The following SCN4A variants were observed in gnomAD, a reference collection of about 807,000 sequenced individuals.
The protein encoded by SCN4A is sodium channel protein type 4 subunit alpha.
A neutral mutation model predicts 162.0 loss-of-function variants in SCN4A; 83 were observed. The observed-to-expected ratio is 0.51, with a 90% CI of 0.43 to 0.61. The LOEUF is 0.61. Ranked by LOEUF, SCN4A falls within the 20% of genes least tolerant of loss-of-function variation. The probability of loss-of-function intolerance (pLI) is 0.00; values close to 1 mark genes in which losing one functional copy is unlikely to be tolerated. For missense variants in SCN4A, 2,196 were observed against 2,462.5 expected (o/e 0.89, Z 2.29); for synonymous variants, 944 against 985.1 (o/e 0.96, Z 0.78).
chr17:63,957,023 T>G (rs1396643483), intron 13 of SCN4A, 139 bp downstream of exon 13: 4 of 612,656 alleles, frequency 6.5e-6, no homozygotes, highest in Non-Finnish European at 1.1e-5. Context: ...AGGTTAAAAT[T>G]TGAGAACTAC....
Position 63,940,785 on chromosome 17 carries a change from C to T in SCN4A, c.5497G>A (p.Glu1833Lys). 1 of 1,577,536 alleles carries T rather than the reference C, an allele frequency of 6.3e-7. No homozygotes were observed. Among genetic ancestry groups the T allele is most frequent in the Non-Finnish European group, 8.6e-7 (1 of 1,159,764 alleles). Residue 1833 changes from glutamate to lysine, a missense_variant, in exon 24 of 24, where the codon GAG (glutamate) becomes AAG (lysine). Glu to Lys is a moderately conservative substitution (Grantham distance 56). Coordinates refer to ENST00000435607, the MANE Select transcript of SCN4A (RefSeq NM_000334.4). ...PGQTVRPGVKESLV is the reference protein window; with the variant it reads ...PGQTVRPGVKKSLV The stretch of plus-strand genomic sequence containing the variant: ...GATGCTGCCTGCTAGACAAGAGACT[C>T]CTTGACACCTGGGCGCACAGTCTGC...
chr17:63,960,140 G>A (rs1278958165), intron 11 of SCN4A, among the ~76,000 whole-genome samples: 1 of 152,228 alleles, frequency 6.6e-6, no homozygotes, highest in Non-Finnish European at 1.5e-5. Flanking sequence ...CTCCTGCCAG[G>A]CACCAGCTGC....
rs1396864146 is a variant in SCN4A, at chr17:63,944,147, T to C, written c.3913-297A>G. Among the ~76,000 whole-genome samples the C allele has an allele frequency of 6.6e-6, 1 of 151,994 alleles. No homozygotes were observed. The highest frequency in any genetic ancestry group is 6.5e-5 in the Admixed American group (1 of 15,268). On this transcript the variant is annotated intron_variant, in intron 21 of 23. Coordinates refer to ENST00000435607, the MANE Select transcript of SCN4A (RefSeq NM_000334.4). This position sits in a 1 kb window ranked among gnomAD's most constrained non-coding sequence, Gnocchi z 4.3. ...GGCAGGTTGTAGCAGCCTCGTCTTT[T>C]TTTTTGTTGTTGAGATGGAGTCTCG...
At position 63,945,763 on chromosome 17, in the gene SCN4A, A is replaced by G. The variant is rs1202904421; in HGVS notation, c.3442-125T>C. On this transcript the variant is annotated intron_variant, in intron 18 of 23. Coordinates refer to ENST00000435607, the MANE Select transcript of SCN4A (RefSeq NM_000334.4). This position sits in a 1 kb window ranked among gnomAD's most constrained non-coding sequence, Gnocchi z 4.4. ...TCAATTAGGGAGGGCTTCCTAGAGG[A>G]GGGCCGACCTGCTGGGCTGTGTGTG... The G allele has an allele frequency of 7.5e-6, 4 of 535,454 alleles. No individual in the cohort carries two copies. The highest frequency in any genetic ancestry group is 2.8e-5 in the African/African-American group (1 of 36,016). 33.2% of individuals were successfully genotyped at this position (535,454 alleles called of 1,614,324 possible). A position where few individuals can be genotyped will look rare whatever the true frequency, so the allele number is the denominator to read the frequency against.
At position 63,941,483 on chromosome 17, in the gene SCN4A, T is replaced by C. The variant is rs1269684010; in HGVS notation, c.4799A>G (p.Asn1600Ser). ...VNMYIAIILE[N>S]FNVATEESSE... is the part of the protein sequence containing the mutation. ...GCTCTCCTCTGTGGCCACATTGAAG[T>C]TCTCCAGGATGATGGCGATGTACAT... Residue 1600 changes from asparagine to serine, a missense_variant, in exon 24 of 24, where the codon AAC (asparagine) becomes AGC (serine). Physicochemically the swap from Asn to Ser is conservative, Grantham distance 46. Transcript: ENST00000435607. This position sits in a 1 kb window ranked among gnomAD's most constrained non-coding sequence, Gnocchi z 6.2. 6.2e-7 allele frequency: 1 copy of C among 1,614,086 alleles called. No homozygotes were observed. Among genetic ancestry groups the C allele is most frequent in the Admixed American group, 1.7e-5 (1 of 60,004 alleles).
In SCN4A at chr17:63,943,025, G is replaced by A. The variant is rs371074417; in HGVS notation, c.4089C>T (p.Ile1363=). 5.0e-6 allele frequency: 8 copies of A among 1,613,958 alleles called. No individual in the cohort carries two copies. The highest frequency in any genetic ancestry group is 3.3e-4 in the Middle Eastern group (2 of 6,062). Residue 1363 remains isoleucine (I), a synonymous_variant, in exon 23 of 24, where the codon ATC becomes ATT. Transcript: ENST00000435607. ...QAFDITIMIL[I]CLNMVTMMVE... is the part of the protein sequence containing the mutation. ...CCATCATGGTGACCATGTTGAGGCA[G>A]ATGAGGATCATGATGGTGATGTCGA... is the stretch of plus-strand genomic sequence containing the variant.
chr17:63,949,057 G>A (rs774021028), intron 15 of SCN4A, among the ~76,000 whole-genome samples: 53 of 151,916 alleles, frequency 3.5e-4, no homozygotes, highest in Non-Finnish European at 6.9e-4. Context: ...TCGCCCAGGC[G>A]GTCTCCATCC....
At chr17:63,947,568 A>G (rs898761335) in intron 17 of SCN4A, among the ~76,000 whole-genome samples, 1 of 152,244 alleles carries the variant, frequency 6.6e-6, no homozygotes, top group African/African-American at 2.4e-5. Flanking sequence ...AGCCTGGGCA[A>G]CATAGCAAGA....
Position 63,957,256 on chromosome 17 carries a change from T to C in SCN4A, c.2282A>G (p.Glu761Gly). 1 of 1,613,692 alleles carries C rather than the reference T, an allele frequency of 6.2e-7. No homozygotes were observed. The change falls in exon 13 of 24, where the codon GAG becomes GGG. Residue 761 changes from glutamate (E) to glycine (G), a missense_variant. By Grantham distance (98) the Glu-to-Gly change is moderately conservative (BLOSUM62 -2). Coordinates refer to ENST00000435607, the MANE Select transcript of SCN4A (RefSeq NM_000334.4). ...FLIVFRILCG[E>G]WIETMWDCME... Reference sequence around the variant, plus strand: ...GCAGTCCCACATGGTCTCGATCCACTCCCCGCACAGGATGCGGAAGACGAT... The same window carrying C: ...GCAGTCCCACATGGTCTCGATCCACCCCCCGCACAGGATGCGGAAGACGAT...
Position 63,945,719 on chromosome 17 carries a change from C to G in SCN4A, c.3442-81G>C. 1.3e-6 allele frequency: 2 copies of G among 1,507,696 alleles called. No homozygotes were observed. Among genetic ancestry groups the G allele is most frequent in the Non-Finnish European group, 1.8e-6 (2 of 1,094,426 alleles). 93.4% of individuals were successfully genotyped at this position (1,507,696 alleles called of 1,614,324 possible). ...CACATCTCTACGCCACCCAGGGGAC[C>G]AGGCAGAGCTGGGCATTGTCAATTA... On this transcript the variant is annotated intron_variant, in intron 18 of 23. Transcript: ENST00000435607. This position sits in a 1 kb window ranked among gnomAD's most constrained non-coding sequence, Gnocchi z 4.4.
Position 63,940,437 on chromosome 17 carries a change from G to T in SCN4A, c.*334C>A, listed in dbSNP as rs1025169451. Reference sequence around the variant, plus strand: ...ACCGCAGGCCAGCTCCTCCTCAAGTGAGGGGCAGAGATTCGAATGTTCTGA... The same window carrying T: ...ACCGCAGGCCAGCTCCTCCTCAAGTTAGGGGCAGAGATTCGAATGTTCTGA... On this transcript the variant is annotated 3_prime_UTR_variant, in exon 24 of 24. Coordinates refer to ENST00000435607, the MANE Select transcript of SCN4A (RefSeq NM_000334.4). 2.7e-5 allele frequency: 8 copies of T among 301,822 alleles called. No homozygotes were observed. Among genetic ancestry groups the T allele is most frequent in the Non-Finnish European group, 4.3e-5 (7 of 163,178 alleles). The allele number at this position is 301,822 out of a possible 1,614,324, so 18.7% of individuals were successfully genotyped here.
chr17:63,951,387 T>C lies in SCN4A; in HGVS notation c.2853+37A>G. ...GCTTGCTCCAGGTCACAGGAGAATT[T>C]GAAGCCGGGTCTGTCTGAGCCCCAG... On this transcript the variant is annotated intron_variant, in intron 14 of 23. Transcript: ENST00000435607. This position sits in a 1 kb window ranked among gnomAD's most constrained non-coding sequence, Gnocchi z 4.5. 7.0e-7 allele frequency: 1 copy of C among 1,437,510 alleles called. No homozygotes were observed. The highest frequency in any genetic ancestry group is 9.4e-7 in the Non-Finnish European group (1 of 1,058,626). 89.0% of individuals were successfully genotyped at this position (1,437,510 alleles called of 1,614,324 possible).
Position 63,942,828 on chromosome 17 carries a change from A to C in SCN4A, c.4286T>G (p.Val1429Gly), listed in dbSNP as rs1267823304. The C allele has an allele frequency of 1.2e-6, 2 of 1,613,538 alleles. No homozygotes were observed. The highest frequency in any genetic ancestry group is 4.5e-5 in the East Asian group (2 of 44,878). The change falls in exon 23 of 24, where the codon GTG becomes GGG. Residue 1429 changes from valine (V) to glycine (G), a missense_variant and splice_region_variant. Coordinates refer to ENST00000435607, the MANE Select transcript of SCN4A (RefSeq NM_000334.4). ...CCGGTCCAGCCCGCCCCGCTCACCC[A>C]CAATGGACAGGATGACGACCACGAA... Reference protein sequence around the residue: ...FDFVVVILSIVGLALSDLIQK... With the variant: ...FDFVVVILSIGGLALSDLIQK...
rs192006146 is a variant in SCN4A at position 63,964,382 on chromosome 17, C to T, written c.1452+86G>A. The T allele has an allele frequency of 8.4e-5, 103 of 1,222,002 alleles. No homozygotes were observed. The African/African-American group carries it at 1.2e-3, about 14-fold the overall frequency. The allele number at this position is 1,222,002 out of a possible 1,614,324, so 75.7% of individuals were successfully genotyped here. ...CTACCCCTGTACCCTCCCTCACCCT[C>T]GGCCCCCCAGGGAGAAGCCAGTGGC... is the stretch of plus-strand genomic sequence containing the variant. On this transcript the variant is annotated intron_variant, in intron 9 of 23. Transcript: ENST00000435607.
rs1909641321 is a variant in SCN4A at position 63,972,400 on chromosome 17, C to T, written c.344G>A (p.Ser115Asn). ...CCCGCGCCTGACTACGCTGAAGGGG[C>T]TCAGCAGGTAGAGAGCAGGTGTGGC... Reference protein sequence around the residue: ...FSATPALYLLSPFSVVRRGAI... With the variant: ...FSATPALYLLNPFSVVRRGAI... Residue 115 changes from serine (S) to asparagine (N), a missense_variant, in exon 2 of 24, where the codon AGC (serine) becomes AAC (asparagine). Physicochemically the swap from Ser to Asn is conservative, Grantham distance 46 (BLOSUM62 1). Coordinates refer to ENST00000435607, the MANE Select transcript of SCN4A (RefSeq NM_000334.4). The surrounding 1 kb of genome is among the most constrained non-coding windows in gnomAD (Gnocchi z 4.3). 1 of 1,613,994 alleles carries T rather than the reference C, an allele frequency of 6.2e-7. No homozygotes were observed. The highest frequency in any genetic ancestry group is 1.1e-5 in the South Asian group (1 of 91,088).
At position 63,963,705 on chromosome 17, in the gene SCN4A, T is replaced by C; in HGVS notation, c.1573A>G (p.Ser525Gly). Residue 525 changes from serine (S) to glycine (G), a missense_variant, in exon 10 of 24, where the codon AGC becomes GGC. Transcript: ENST00000435607. ...GCGTCGGAGATGCCGCTGTCTCCGCTGCTGCTCTGCCTCGGGGCTCCCTTC... is the reference window on the plus strand; with the variant it reads ...GCGTCGGAGATGCCGCTGTCTCCGCCGCTGCTCTGCCTCGGGGCTCCCTTC... ...GEKGAPRQSSSGDSGISDAME... is the reference protein window; with the variant it reads ...GEKGAPRQSSGGDSGISDAME... 1 of 1,598,444 alleles carries C rather than the reference T, an allele frequency of 6.3e-7. No individual in the cohort carries two copies.
At chr17:63,942,161 C>T (rs1202099547) in intron 23 of SCN4A, among the ~76,000 whole-genome samples, 168 bp from the exon 24 acceptor site, 2 of 151,938 alleles carry the variant, frequency 1.3e-5, no homozygotes, top group Non-Finnish European at 2.9e-5. Flanking sequence ...GGTCTTGGGG[C>T]CAGGGGCTGC....
At position 63,943,106 on chromosome 17, in the gene SCN4A, G is replaced by A. The variant is rs1385235216; in HGVS notation, c.4018-10C>T. On this transcript the variant is annotated splice_polypyrimidine_tract_variant and intron_variant, in intron 22 of 23. Coordinates refer to ENST00000435607, the MANE Select transcript of SCN4A (RefSeq NM_000334.4). Reference sequence around the variant, plus strand: ...TGCCCTGGATCTTGTTCTGCAGCATGGGTGGGAGTGGATGTGGAGGAGTTG... The same window carrying A: ...TGCCCTGGATCTTGTTCTGCAGCATAGGTGGGAGTGGATGTGGAGGAGTTG... The A allele has an allele frequency of 6.2e-7, 1 of 1,604,524 alleles. No homozygotes were observed. The highest frequency in any genetic ancestry group is 1.3e-5 in the African/African-American group (1 of 74,928).
chr17:63,966,596 G>T, intron 6 of SCN4A, 52 bp from the exon 7 acceptor site: 1 of 1,378,516 alleles, frequency 7.3e-7, no homozygotes, highest in Non-Finnish European at 1.0e-6. Context: ...TGGACACAGT[G>T]TGAGCACCTG....
Sources: gnomAD v4.1 joint callset for allele counts (sites outside exome capture counted in the v4.1 genomes callset) on GRCh38, gnomAD v4.1.1 for gene constraint, Gnocchi (gnomAD v3.1) non-coding constraint, MANE v1.5 for transcripts, NCBI Gene and HGNC (gene_info 2026-07-23, HGNC 2026-07-21) for gene names.